The following KNL1 variants were observed in gnomAD, a reference collection of about 807,000 sequenced individuals.
The protein encoded by KNL1 is kinetochore scaffold 1, also known as outer kinetochore KNL1 complex subunit KNL1.
In KNL1, 66 loss-of-function variants were observed where a neutral mutation model predicts 201.3. The observed-to-expected ratio is 0.33, with a 90% CI of 0.27 to 0.40. The LOEUF (loss-of-function observed/expected upper bound fraction) is 0.40. KNL1 is among the 10% of genes least tolerant of loss of function. KNL1 has a pLI of 1.00. For missense variants in KNL1, 2,815 were observed against 2,690.5 expected, an observed-to-expected ratio of 1.05 and a Z score of -1.02; for synonymous variants, 895 against 899.2, an observed-to-expected ratio of 1.00 and a Z score of 0.08.
Position 40,624,656 on chromosome 15 carries a change from A to G in KNL1, c.4392A>G (p.Glu1464=). 6.2e-7 allele frequency: 1 copy of G among 1,613,808 alleles called. No individual in the cohort carries two copies. Among genetic ancestry groups the G allele is most frequent in the Non-Finnish European group, 8.5e-7 (1 of 1,179,824 alleles). The change falls in exon 10 of 26, where the codon GAA becomes GAG. Residue 1464 remains glutamate, a synonymous_variant. Coordinates refer to ENST00000399668, the MANE Select transcript of KNL1 (RefSeq NM_144508.5). ...KKGQSSINKE[E]VILSKAGNKS... Reference sequence around the variant, plus strand: ...GACAGAGTAGTATCAATAAAGAAGAAGTAATACTGTCTAAAGCTGGAAATA... The same window carrying G: ...GACAGAGTAGTATCAATAAAGAAGAGGTAATACTGTCTAAAGCTGGAAATA...
chr15:40,662,116 G>T lies in KNL1; in HGVS notation c.6879G>T (p.Glu2293Asp), dbSNP rs375584977. Residue 2293 changes from glutamate (E) to aspartate (D), a missense_variant, in exon 26 of 26, where the codon GAG (glutamate) becomes GAT (aspartate). By Grantham distance (45) the Glu-to-Asp change is conservative. This residue lies in a region of KNL1 where 334 missense variants were observed against 362.6 expected (regional missense o/e 0.92). Coordinates refer to ENST00000399668, the MANE Select transcript of KNL1 (RefSeq NM_144508.5). The stretch of plus-strand genomic sequence containing the variant: ...CCATTCTATCTAAAGTGCCACTGGA[G>T]AACAACTACCTGAAGAATGTAGTCA... ...IATILSKVPL[E>D]NNYLKNVVKQ... 6.2e-7 allele frequency: 1 copy of T among 1,612,350 alleles called. No homozygotes were observed. Among genetic ancestry groups the T allele is most frequent in the Non-Finnish European group, 8.5e-7 (1 of 1,178,558 alleles).
At position 40,623,990 on chromosome 15, in the gene KNL1, T is replaced by G. The variant is rs1293168112; in HGVS notation, c.3726T>G (p.Asn1242Lys). 1.9e-6 allele frequency: 3 copies of G among 1,613,798 alleles called. No homozygotes were observed. Among genetic ancestry groups the G allele is most frequent in the Admixed American group, 1.7e-5 (1 of 59,988 alleles). The part of the protein sequence containing the change: ...QLFAATNRTT[N>K]EIIKFHSAAM... ...TTGCTGCTACTAATAGAACTACTAA[T>G]GAAATCATCAAATTTCATAGTGCTG... is the stretch of plus-strand genomic sequence containing the variant. Residue 1242 changes from asparagine (N) to lysine (K), a missense_variant, in exon 10 of 26, where the codon AAT becomes AAG. By Grantham distance (94) the Asn-to-Lys change is moderately conservative. Around this residue, in one of 3 missense-constraint regions of KNL1, gnomAD observed 2,464 missense variants for 2,291.7 expected, o/e 1.08. Coordinates refer to ENST00000399668, the MANE Select transcript of KNL1 (RefSeq NM_144508.5).
intron 15 of KNL1, among the ~76,000 whole-genome samples, chr15:40,645,411 CTAATA>C (rs1893355802): frequency 2.0e-5 from 3 of 152,132 alleles, no homozygotes; most frequent in African/African-American, 7.2e-5. Flanking sequence ...TATATGTGCC[CTAATA>C]TATTAAAAAG....
intron 13 of KNL1, among the ~76,000 whole-genome samples, chr15:40,638,524 C>T (rs1893125525): frequency 6.6e-6 from 1 of 151,674 alleles, no homozygotes; most frequent in African/African-American, 2.4e-5. Flanking sequence ...TGGAGTCTTG[C>T]TCTGTCACCT....
chr15:40,634,127 A>G (rs1892990889), intron 13 of KNL1, among the ~76,000 whole-genome samples: 1 of 151,968 alleles, frequency 6.6e-6, no homozygotes, highest in Non-Finnish European at 1.5e-5. Flanking sequence ...TTGTTTTGAG[A>G]TGGAGTTTCT....
intron 10 of KNL1, among the ~76,000 whole-genome samples, chr15:40,626,343 G>A (rs1031180093): frequency 8.6e-6 from 1 of 116,644 alleles, no homozygotes; most frequent in African/African-American, 3.3e-5. Flanking sequence ...TTTTTTTTTT[G>A]TATTTTTAGT....
At chr15:40,594,740 C>T (rs1349017791) in intron 1 of KNL1, among the ~76,000 whole-genome samples, 3 of 152,132 alleles carry the variant, frequency 2.0e-5, no homozygotes, top group Non-Finnish European at 1.5e-5. Context: ...TGCACCCCTG[C>T]CGCTCTTCCC....
At position 40,624,282 on chromosome 15, in the gene KNL1, G is replaced by T. The variant is rs764310658; in HGVS notation, c.4018G>T (p.Ala1340Ser). ...TTATTGCCCAGTGCAAAATGATCTT[G>T]CTTATGCAAATGATTTTGCCAGTGA... Reference protein sequence around the residue: ...ANYCPVQNDLAYANDFASEYY... With the variant: ...ANYCPVQNDLSYANDFASEYY... Residue 1340 changes from alanine to serine, a missense_variant, in exon 10 of 26, where the codon GCT becomes TCT. By Grantham distance (99) the Ala-to-Ser change is moderately conservative. Coordinates refer to ENST00000399668, the MANE Select transcript of KNL1 (RefSeq NM_144508.5). The T allele has an allele frequency of 5.0e-5, 80 of 1,613,916 alleles. No individual in the cohort carries two copies. In the Middle Eastern group the frequency reaches 1.2e-3, roughly 23 times the overall value.
At chr15:40,656,605 T>C (rs1173033263) in intron 22 of KNL1, among the ~76,000 whole-genome samples, 1 of 150,524 alleles carries the variant, frequency 6.6e-6, no homozygotes, top group Non-Finnish European at 1.5e-5. Context: ...AGAGAATACA[T>C]CTGGGCATGG....
intron 7 of KNL1, among the ~76,000 whole-genome samples, chr15:40,613,396 T>C (rs1892236752): frequency 6.6e-6 from 1 of 152,190 alleles, no homozygotes; most frequent in Non-Finnish European, 1.5e-5. Flanking sequence ...AGGTTACATG[T>C]TGGCTTTGTG....
At chr15:40,600,074 C>A (rs1595911507) in intron 1 of KNL1, among the ~76,000 whole-genome samples, 1 of 112,158 alleles carries the variant, frequency 8.9e-6, no homozygotes, top group Non-Finnish European at 1.8e-5. Flanking sequence ...ATTTGGGATT[C>A]CTTTTTTTTT....
At chr15:40,651,118 C>T (rs1047952020) in intron 19 of KNL1, among the ~76,000 whole-genome samples, 3 of 150,522 alleles carry the variant, frequency 2.0e-5, no homozygotes, top group Admixed American at 2.0e-4. Flanking sequence ...TAAAGTATAT[C>T]TTATGATCTA....
intron 19 of KNL1, 107 bp from the exon 20 acceptor site, chr15:40,651,364 A>G (rs933479214): frequency 3.6e-5 from 19 of 528,788 alleles, no homozygotes; most frequent in Non-Finnish European, 5.2e-5. Context: ...TATTACCTCA[A>G]TGGGGAGTCA....
At chr15:40,610,662 C>T (rs1193496844) in intron 6 of KNL1, 1 of 437,270 alleles carries the variant, frequency 2.3e-6, no homozygotes, top group Non-Finnish European at 4.5e-6. Context: ...TGCACTCCAG[C>T]CTGGGCAACA....
chr15:40,596,311 C>T (rs908298437), intron 1 of KNL1, among the ~76,000 whole-genome samples: 1 of 152,196 alleles, frequency 6.6e-6, no homozygotes, highest in African/African-American at 2.4e-5. Context: ...GAGTCTCGCT[C>T]TGTCACCCAG....
At chr15:40,635,469 C>G (rs1490754000) in intron 13 of KNL1, among the ~76,000 whole-genome samples, 1 of 152,146 alleles carries the variant, frequency 6.6e-6, no homozygotes, top group Non-Finnish European at 1.5e-5. Flanking sequence ...ATTCTCCTGC[C>G]TCAGCCTCCC....
At chr15:40,617,887 GTTTGT>G (rs1453526029) in intron 8 of KNL1, among the ~76,000 whole-genome samples, 1 of 136,434 alleles carries the variant, frequency 7.3e-6, no homozygotes, top group Non-Finnish European at 1.5e-5. Flanking sequence ...GTGTTCGTTT[GTTTGT>G]TTTGTTTTTT....
intron 22 of KNL1, among the ~76,000 whole-genome samples, chr15:40,656,128 G>T (rs1345644242): frequency 2.0e-5 from 3 of 151,972 alleles, no homozygotes; most frequent in African/African-American, 7.2e-5. Context: ...GGATCACTTA[G>T]GTATTAAAGA....
chr15:40,652,170 A>G, intron 21 of KNL1, 65 bp downstream of exon 21: 1 of 1,056,652 alleles, frequency 9.5e-7, no homozygotes, highest in Non-Finnish European at 1.5e-6. Context: ...CTAAAGATTC[A>G]AATCTTTATT....
Sources: allele counts gnomAD v4.1 joint callset (sites outside exome capture counted in the v4.1 genomes callset), GRCh38; gene constraint gnomAD v4.1.1; regional missense constraint gnomAD v4.1.1; transcripts MANE v1.5; gene names NCBI Gene and HGNC (gene_info 2026-07-23, HGNC 2026-07-21).